BDNF: variants seen among roughly 807,000 people sequenced by gnomAD.
The protein encoded by BDNF is brain derived neurotrophic factor, also known as neurotrophic factor BDNF precursor form.
BDNF carries 1 observed loss-of-function variant against 19.5 expected under a neutral mutation model. The observed-to-expected ratio is 0.05, with a 90% CI of 0.02 to 0.24. The LOEUF (loss-of-function observed/expected upper bound fraction) is 0.24, where lower values mean the gene tolerates loss of function less well. BDNF is among the 10% of genes least tolerant of loss of function. The probability of loss-of-function intolerance (pLI) is 1.00; values close to 1 mark genes in which losing one functional copy is unlikely to be tolerated. For missense variants in BDNF, 195 were observed against 317.6 expected, an observed-to-expected ratio of 0.61 and a Z score of 2.93; for synonymous variants, 100 against 121.6, an observed-to-expected ratio of 0.82 and a Z score of 1.17.
At chr11:27,660,375 G>A in intron 1 of BDNF, 1 of 404,710 alleles carries the variant, frequency 2.5e-6, no homozygotes, top group Non-Finnish European at 4.2e-6. Context: ...GATTAGGAAG[G>A]GAAAATTGGT....
chr11:27,658,191 C>T lies in BDNF; in HGVS notation c.374G>A (p.Arg125Lys). 6.2e-7 allele frequency: 1 copy of T among 1,614,114 alleles called. No homozygotes were observed. Among genetic ancestry groups the T allele is most frequent in the Non-Finnish European group, 8.5e-7 (1 of 1,180,032 alleles). ...GGCAGGGTCAGAGTGGCGCCGGACC[C>T]TCATGGACATGTTTGCAGCATCTAG... ...NYLDAANMSM[R>K]VRRHSDPARR... The change falls in exon 2 of 2, where the codon AGG becomes AAG. Residue 125 changes from arginine to lysine, a missense_variant. This residue lies in a region of BDNF where 124 missense variants were observed against 155.0 expected (regional missense o/e 0.80). Transcript: ENST00000356660. The surrounding 1 kb of genome is among the most constrained non-coding windows in gnomAD (Gnocchi z 5.7).
chr11:27,660,214 T>C (rs1184246599), intron 1 of BDNF: 43 of 1,231,754 alleles, frequency 3.5e-5, no homozygotes, highest in Non-Finnish European at 4.3e-5. Context: ...GAAAAGCAAA[T>C]GTTCTCCACT....
At chr11:27,718,288 G>T (rs1211118207) in intron 1 of BDNF, among the ~76,000 whole-genome samples, 1 of 151,384 alleles carries the variant, frequency 6.6e-6, no homozygotes, top group Non-Finnish European at 1.5e-5. Flanking sequence ...GCCGGTTGCC[G>T]CCTGATTGGA....
chr11:27,707,040 C>G (rs2134098975), intron 1 of BDNF, among the ~76,000 whole-genome samples: 1 of 152,292 alleles, frequency 6.6e-6, no homozygotes, highest in Non-Finnish European at 1.5e-5. Context: ...TGGATTTGTG[C>G]TTTCATATTC....
chr11:27,701,385 T>C (rs1859887448), upstream of BDNF: 5 of 1,038,702 alleles, frequency 4.8e-6, no homozygotes, highest in South Asian at 3.5e-5. Flanking sequence ...CTATTATTTT[T>C]TCACGTTCCC....
At chr11:27,670,243 T>A (rs1346331274) in intron 1 of BDNF, among the ~76,000 whole-genome samples, 5 of 152,186 alleles carry the variant, frequency 3.3e-5, no homozygotes, top group Non-Finnish European at 7.3e-5. Context: ...CTTTACACCT[T>A]ATACAAAAAT....
rs200377041 is a variant in BDNF at position 27,671,250 on chromosome 11, T to C, written c.-21-12665A>G. Among the ~76,000 whole-genome samples the C allele has an allele frequency of 1.8e-4, 28 of 151,928 alleles. No individual in the cohort carries two copies. In the East Asian group the frequency reaches 5.2e-3, roughly 28 times the overall value. ...GCAGCACACCAACATGGCACATGTA[T>C]ACATATGTAACAAACCTGCAGGTTG... On this transcript the variant is annotated intron_variant, in intron 1 of 1. Coordinates refer to ENST00000356660, the MANE Select transcript of BDNF (RefSeq NM_001709.5).
At position 27,700,425 on chromosome 11, in the gene BDNF, G is replaced by A; in HGVS notation, c.-283C>T. Reference sequence around the variant, plus strand: ...GCGGGTGCGCCCGGGCGCGGCGGCGGCAGCGTCGGGGACCCGGAGCTCCAG... The same window carrying A: ...GCGGGTGCGCCCGGGCGCGGCGGCGACAGCGTCGGGGACCCGGAGCTCCAG... On this transcript the variant is annotated 5_prime_UTR_variant, in exon 1 of 2. Transcript: ENST00000356660. The A allele has an allele frequency of 1.0e-6, 1 of 985,538 alleles. No homozygotes were observed. The highest frequency in any genetic ancestry group is 1.2e-6 in the Non-Finnish European group (1 of 829,968). The allele number at this position is 985,538 out of a possible 1,614,324, so 61.0% of individuals were successfully genotyped here. A position where few individuals can be genotyped will look rare whatever the true frequency, so the allele number is the denominator to read the frequency against.
At chr11:27,680,840 TC>T (rs1445545926) in intron 1 of BDNF, among the ~76,000 whole-genome samples, 1 of 152,188 alleles carries the variant, frequency 6.6e-6, no homozygotes, top group African/African-American at 2.4e-5. Flanking sequence ...CTTCTGGTAA[TC>T]AATTATCTTC....
intron 1 of BDNF, among the ~76,000 whole-genome samples, chr11:27,696,764 C>G (rs371712504): frequency 6.6e-6 from 1 of 152,168 alleles, no homozygotes; most frequent in Admixed American, 6.5e-5. Context: ...AGGCGAGACC[C>G]CTCACACAAA....
At chr11:27,712,927 C>CTTTT (rs112937534) in intron 1 of BDNF, among the ~76,000 whole-genome samples, 13 of 117,264 alleles carry the variant, frequency 1.1e-4, no homozygotes, top group South Asian at 3.2e-4. Context: ...TTCTTTCTTT[C>CTTTT]TTTTTTTTTT....
At chr11:27,692,434 T>C (rs957899663) in intron 1 of BDNF, among the ~76,000 whole-genome samples, 14 of 152,148 alleles carry the variant, frequency 9.2e-5, no homozygotes, top group Non-Finnish European at 1.5e-4. Flanking sequence ...CCCAACCTCC[T>C]GGGCTCAAAC....
In BDNF at chr11:27,656,826, G is replaced by A; in HGVS notation, c.*995C>T. ...TTTTCTGTTCTAAAAAAAAATCACTGTTCTCCATGCTTATACGAGTGTCAT... is the reference window on the plus strand; with the variant it reads ...TTTTCTGTTCTAAAAAAAAATCACTATTCTCCATGCTTATACGAGTGTCAT... On this transcript the variant is annotated 3_prime_UTR_variant, in exon 2 of 2. Coordinates refer to ENST00000356660, the MANE Select transcript of BDNF (RefSeq NM_001709.5). 1 of 985,218 alleles carries A rather than the reference G, an allele frequency of 1.0e-6. No individual in the cohort carries two copies. Among genetic ancestry groups the A allele is most frequent in the Non-Finnish European group, 1.2e-6 (1 of 829,910 alleles). The allele number at this position is 985,218 out of a possible 1,614,324, so 61.0% of individuals were successfully genotyped here. A position where few individuals can be genotyped will look rare whatever the true frequency, so the allele number is the denominator to read the frequency against.
chr11:27,687,956 C>T (rs1167901117), intron 1 of BDNF, among the ~76,000 whole-genome samples: 1 of 152,224 alleles, frequency 6.6e-6, no homozygotes, highest in Non-Finnish European at 1.5e-5. Context: ...ATCCACTGCT[C>T]TCTTCACAGC....
At chr11:27,721,816 G>A (rs1008264471) in exon 1 of BDNF, 2 of 235,246 alleles carry the variant, frequency 8.5e-6, no homozygotes, top group South Asian at 7.8e-5. Flanking sequence ...CTGGGTCCTG[G>A]CACTGAAAGT....
At chr11:27,681,677 A>G (rs1038090563) in intron 1 of BDNF, among the ~76,000 whole-genome samples, 4 of 152,304 alleles carry the variant, frequency 2.6e-5, no homozygotes, top group East Asian at 1.9e-4. Flanking sequence ...ATATTTAGGT[A>G]TGAAGCATGC....
At chr11:27,705,193 T>C (rs1477688843), upstream of BDNF, among the ~76,000 whole-genome samples, 1 of 152,196 alleles carries the variant, frequency 6.6e-6, no homozygotes, top group Non-Finnish European at 1.5e-5. Flanking sequence ...GGTTTACTTG[T>C]TGTAATAGTT....
At chr11:27,721,618 C>T in exon 1 of BDNF, 1 of 633,660 alleles carries the variant, frequency 1.6e-6, no homozygotes, top group South Asian at 1.9e-5. Flanking sequence ...TTGGCGACTA[C>T]AGAAGACAAA....
At chr11:27,670,208 G>T (rs1855121539) in intron 1 of BDNF, among the ~76,000 whole-genome samples, 1 of 152,210 alleles carries the variant, frequency 6.6e-6, no homozygotes, top group Non-Finnish European at 1.5e-5. Context: ...CTAGCCATAT[G>T]TAGAAAGCTG....
Sources: allele counts gnomAD v4.1 joint callset (sites outside exome capture counted in the v4.1 genomes callset), GRCh38; gene constraint gnomAD v4.1.1; regional missense constraint gnomAD v4.1.1; non-coding constraint Gnocchi (gnomAD v3.1); transcripts MANE v1.5; gene names NCBI Gene and HGNC (gene_info 2026-07-23, HGNC 2026-07-21).